Variants in PDE9A observed in about 807,000 individuals in gnomAD.
PDE9A encodes the protein phosphodiesterase 9A, also known as high affinity cGMP-specific 3',5'-cyclic phosphodiesterase 9A.
A neutral mutation model predicts 87.4 loss-of-function variants in PDE9A; 60 were observed. The ratio of observed to expected loss-of-function variants is 0.69; its 90% confidence interval spans 0.56 to 0.85. PDE9A has a LOEUF of 0.85. PDE9A is among the 40% of genes least tolerant of loss of function. PDE9A has a pLI of 0.00. For synonymous variants in PDE9A, 272 were observed against 279.4 expected (o/e 0.97, Z 0.27); for missense variants, 665 against 779.0 (o/e 0.85, Z 1.74).
intron 16 of PDE9A, 161 bp downstream of exon 16, chr21:42,768,453 A>G: frequency 2.7e-6 from 3 of 1,119,226 alleles, no homozygotes; most frequent in Non-Finnish European, 3.7e-6. Flanking sequence ...CATCAGAAAC[A>G]AAATAGGTTA....
chr21:42,663,264 G>T (rs1569102060), intron 1 of PDE9A, among the ~76,000 whole-genome samples: 1 of 144,286 alleles, frequency 6.9e-6, no homozygotes, highest in African/African-American at 2.6e-5. Flanking sequence ...CCACACACAA[G>T]CACATCACAA....
In PDE9A at chr21:42,760,576, C is replaced by T; in HGVS notation, c.1002+144C>T. 1 of 639,582 alleles carries T rather than the reference C, an allele frequency of 1.6e-6. No individual in the cohort carries two copies. The highest frequency in any genetic ancestry group is 1.8e-5 in the South Asian group (1 of 55,878). The allele number at this position is 639,582 out of a possible 1,614,324, so 39.6% of individuals were successfully genotyped here. ...CTCCGCCCCTCCTAGGGACGCACCC[C>T]TGCCCACCGTTGTCAGTCACCCCAT... On this transcript the variant is annotated intron_variant, in intron 12 of 19. Coordinates refer to ENST00000291539, the MANE Select transcript of PDE9A (RefSeq NM_002606.3). The surrounding 1 kb of genome is among the most constrained non-coding windows in gnomAD (Gnocchi z 5.2).
intron 6 of PDE9A, among the ~76,000 whole-genome samples, chr21:42,732,936 C>T (rs544036766): frequency 1.1e-4 from 16 of 152,228 alleles, no homozygotes; most frequent in Admixed American, 7.2e-4. Flanking sequence ...AACAAAAAAA[C>T]CTTTGAATTG....
chr21:42,670,679 TCA>T (rs200054129), intron 1 of PDE9A, among the ~76,000 whole-genome samples: 6 of 149,256 alleles, frequency 4.0e-5, no homozygotes, highest in South Asian at 2.1e-4. Context: ...ACACATGCAT[TCA>T]CACACATGCT....
At chr21:42,686,488 G>C (rs541397806) in intron 2 of PDE9A, among the ~76,000 whole-genome samples, 2 of 152,334 alleles carry the variant, frequency 1.3e-5, no homozygotes, top group African/African-American at 4.8e-5. Flanking sequence ...GGAAACCGTC[G>C]GGCTGAATTA....
chr21:42,681,491 T>C (rs867018657), intron 1 of PDE9A, among the ~76,000 whole-genome samples: 1 of 152,198 alleles, frequency 6.6e-6, no homozygotes, highest in South Asian at 2.1e-4. Flanking sequence ...CTTAGACTAG[T>C]GCTTGCCTGT....
At chr21:42,755,735 CAGTT>C (rs1453895927) in intron 10 of PDE9A, among the ~76,000 whole-genome samples, 15 of 152,178 alleles carry the variant, frequency 9.9e-5, no homozygotes, top group African/African-American at 2.2e-4. Context: ...ACACCGCAGA[CAGTT>C]AGAGCACACT....
chr21:42,669,990 G>A (rs1460927911), intron 1 of PDE9A, among the ~76,000 whole-genome samples: 3 of 152,066 alleles, frequency 2.0e-5, no homozygotes, highest in East Asian at 3.9e-4. Flanking sequence ...AAGATAATGT[G>A]GGTGCTTCAA....
chr21:42,702,573 T>C lies in PDE9A; in HGVS notation c.262+3562T>C, dbSNP rs1240369456. On this transcript the variant is annotated intron_variant, in intron 4 of 19. Transcript: ENST00000291539. This position sits in a 1 kb window ranked among gnomAD's most constrained non-coding sequence, Gnocchi z 4.9. ...AATGCACGCTGGTTCATCATCTGGT[T>C]TTGTTTCTCCCAGTTAAGAGTGTTG... Among the ~76,000 whole-genome samples, 2 of 152,186 alleles carry C rather than the reference T, an allele frequency of 1.3e-5. No homozygotes were observed. The highest frequency in any genetic ancestry group is 2.9e-5 in the Non-Finnish European group (2 of 68,020).
chr21:42,756,338 A>C lies in PDE9A; in HGVS notation c.810+2274A>C, dbSNP rs1164636686. Among the ~76,000 whole-genome samples the C allele has an allele frequency of 5.9e-5, 9 of 152,232 alleles. 1 individual carries two copies. The highest frequency in any genetic ancestry group is 1.5e-5 in the Non-Finnish European group (1 of 68,038). On this transcript the variant is annotated intron_variant, in intron 10 of 19. Transcript: ENST00000291539. ...CAACTAAAGGGACACACATGAAAACAGCCCACTCGGCCCCACAAAACTGCA... is the reference window on the plus strand; with the variant it reads ...CAACTAAAGGGACACACATGAAAACCGCCCACTCGGCCCCACAAAACTGCA...
Position 42,739,849 on chromosome 21 carries a change from G to C in PDE9A, c.569-3927G>C, listed in dbSNP as rs1321208604. On this transcript the variant is annotated intron_variant, in intron 7 of 19. Transcript: ENST00000291539. The surrounding 1 kb of genome is among the most constrained non-coding windows in gnomAD (Gnocchi z 4.1). ...CAAACTCATTTAGCAGCAAAAATGT[G>C]ATCTGAACTGACATGAAGCCCTTGG... Among the ~76,000 whole-genome samples, 1 of 152,046 alleles carries C rather than the reference G, an allele frequency of 6.6e-6. No individual in the cohort carries two copies. The highest frequency in any genetic ancestry group is 1.5e-5 in the Non-Finnish European group (1 of 68,008).
intron 1 of PDE9A, among the ~76,000 whole-genome samples, chr21:42,670,105 A>G (rs957074738): frequency 1.3e-5 from 2 of 152,072 alleles, no homozygotes; most frequent in South Asian, 2.1e-4. Flanking sequence ...ACACTCACAC[A>G]TATGCTTACA....
At chr21:42,768,670 C>A (rs888423735) in intron 16 of PDE9A, 2 of 985,306 alleles carry the variant, frequency 2.0e-6, no homozygotes, top group African/African-American at 3.5e-5. Flanking sequence ...CGGGGAAGGT[C>A]GGGGACATAG....
At chr21:42,666,976 G>T (rs1364432508) in intron 1 of PDE9A, among the ~76,000 whole-genome samples, 1 of 152,168 alleles carries the variant, frequency 6.6e-6, no homozygotes, top group Non-Finnish European at 1.5e-5. Context: ...CCTGGTGACC[G>T]CCGACTCGCC....
At chr21:42,731,380 G>A (rs2051718930) in intron 4 of PDE9A, among the ~76,000 whole-genome samples, 1 of 152,148 alleles carries the variant, frequency 6.6e-6, no homozygotes, top group African/African-American at 2.4e-5. Context: ...ATGAGCTAGA[G>A]GATGGCTGGA....
At chr21:42,683,040 C>T (rs773858653) in intron 1 of PDE9A, among the ~76,000 whole-genome samples, 7 of 152,234 alleles carry the variant, frequency 4.6e-5, no homozygotes, top group Non-Finnish European at 1.0e-4. Flanking sequence ...TTAAAGGTGA[C>T]TGATAGCTTA....
At chr21:42,687,743 C>T (rs1230474608) in intron 2 of PDE9A, among the ~76,000 whole-genome samples, 174 bp from the exon 3 acceptor site, 3 of 152,216 alleles carry the variant, frequency 2.0e-5, no homozygotes, top group Non-Finnish European at 4.4e-5. Context: ...CATTTACAAT[C>T]GGAGTCTCAA....
At chr21:42,687,881 T>C in intron 2 of PDE9A, 36 bp from the exon 3 acceptor site, 1 of 1,590,956 alleles carries the variant, frequency 6.3e-7, no homozygotes, top group East Asian at 2.2e-5. Context: ...CAGAGCACAC[T>C]ATGGGCGAAA....
chr21:42,685,699 C>T (rs2059423493), intron 1 of PDE9A, among the ~76,000 whole-genome samples: 1 of 152,104 alleles, frequency 6.6e-6, no homozygotes, highest in Non-Finnish European at 1.5e-5. Context: ...AACTCCTGAT[C>T]TCAGGTGATC....
Sources: allele counts gnomAD v4.1 joint callset (sites outside exome capture counted in the v4.1 genomes callset), GRCh38; gene constraint gnomAD v4.1.1; non-coding constraint Gnocchi (gnomAD v3.1); transcripts MANE v1.5; gene names NCBI Gene and HGNC (gene_info 2026-07-23, HGNC 2026-07-21).